The following PCDH15 variants were observed in gnomAD, a reference collection of about 807,000 sequenced individuals.
PCDH15 encodes protocadherin related 15.
Under a neutral mutation model 178.5 loss-of-function variants are expected in PCDH15, and 129 were observed. That is an observed-to-expected ratio of 0.72 (90% CI 0.63 to 0.84). The LOEUF (loss-of-function observed/expected upper bound fraction) is 0.84, where lower values mean the gene tolerates loss of function less well. Ranked by LOEUF, PCDH15 falls within the 40% of genes least tolerant of loss-of-function variation. PCDH15 has a pLI of 0.00. For synonymous variants in PCDH15, 800 were observed against 732.0 expected, an observed-to-expected ratio of 1.09 and a Z score of -1.50; for missense variants, 2,230 against 2,099.9, an observed-to-expected ratio of 1.06 and a Z score of -1.21.
intron 2 of PCDH15, among the ~76,000 whole-genome samples, chr10:54,573,821 A>C (rs917330345): frequency 3.3e-5 from 5 of 152,194 alleles, no homozygotes; most frequent in African/African-American, 1.2e-4. Flanking sequence ...TCAGGTGCTG[A>C]CAGCATCATC....
chr10:54,439,267 A>G (rs1565279309), intron 3 of PCDH15, among the ~76,000 whole-genome samples: 1 of 149,964 alleles, frequency 6.7e-6, no homozygotes, highest in South Asian at 2.1e-4. Context: ...GAAAGATAAG[A>G]AAAGAAACCA....
At chr10:54,344,378 G>A (rs1942843615) in intron 6 of PCDH15, among the ~76,000 whole-genome samples, 1 of 152,268 alleles carries the variant, frequency 6.6e-6, no homozygotes, top group East Asian at 1.9e-4. Context: ...GGAATGGGGA[G>A]GCATTGAGAC....
At chr10:54,992,767 A>G (rs1839535913) in intron 2 of PCDH15, among the ~76,000 whole-genome samples, 1 of 151,976 alleles carries the variant, frequency 6.6e-6, no homozygotes, top group African/African-American at 2.4e-5. Flanking sequence ...GAAAAAAAAA[A>G]AAAAAGTGAA....
At chr10:54,621,997 A>T (rs7073524) in intron 2 of PCDH15, among the ~76,000 whole-genome samples, 4,550 of 152,068 alleles carry the variant, frequency 0.03, 218 homozygotes, top group African/African-American at 0.099. Context: ...AGTTAGAGTT[A>T]TTACTGAGGA....
intron 18 of PCDH15, among the ~76,000 whole-genome samples, chr10:54,064,935 T>G (rs1009006047): frequency 1.3e-5 from 2 of 152,138 alleles, no homozygotes; most frequent in African/African-American, 4.8e-5. Flanking sequence ...GGAAGGGGGT[T>G]AGGTTCCTGC....
intron 17 of PCDH15, among the ~76,000 whole-genome samples, chr10:54,076,159 A>G (rs981866055): frequency 1.3e-5 from 2 of 152,086 alleles, no homozygotes; most frequent in Admixed American, 1.3e-4. Flanking sequence ...AGTTTTCATT[A>G]TACAAGTCTT....
At chr10:54,911,968 A>G (rs1409047525) in intron 2 of PCDH15, among the ~76,000 whole-genome samples, 1 of 152,176 alleles carries the variant, frequency 6.6e-6, no homozygotes, top group South Asian at 2.1e-4. Context: ...ACAAACATCC[A>G]TTGGTCTTTA....
chr10:55,253,602 A>T (rs950367008), intron 1 of PCDH15, among the ~76,000 whole-genome samples: 2 of 135,898 alleles, frequency 1.5e-5, no homozygotes, highest in Admixed American at 7.3e-5. Context: ...GTGAACCATA[A>T]TAAGTTTTTT....
chr10:54,566,167 G>A (rs1433505537), intron 2 of PCDH15, among the ~76,000 whole-genome samples: 1 of 152,040 alleles, frequency 6.6e-6, no homozygotes, highest in East Asian at 1.9e-4. Flanking sequence ...ATAATTTTTT[G>A]TCATATTTGA....
At chr10:55,428,200 A>G (rs1838802239) in intron 2 of PCDH15, among the ~76,000 whole-genome samples, 1 of 151,986 alleles carries the variant, frequency 6.6e-6, no homozygotes, top group East Asian at 1.9e-4. Flanking sequence ...ATGTGTTGTT[A>G]AAGCATTCTT....
chr10:55,366,103 A>G (rs949153405), intron 2 of PCDH15: 2 of 152,152 alleles, frequency 1.3e-5, no homozygotes, highest in Admixed American at 6.6e-5. Context: ...CAACATGCCT[A>G]CTGTCTCTTA....
At chr10:53,887,927 AAACT>A (rs941584060) in intron 26 of PCDH15, among the ~76,000 whole-genome samples, 1 of 151,932 alleles carries the variant, frequency 6.6e-6, no homozygotes, top group African/African-American at 2.4e-5. Flanking sequence ...AAAAAAACAA[AAACT>A]AACTCCTAAA....
At chr10:55,234,674 C>A (rs992881495) in intron 1 of PCDH15, among the ~76,000 whole-genome samples, 1 of 152,028 alleles carries the variant, frequency 6.6e-6, no homozygotes, top group Non-Finnish European at 1.5e-5. Flanking sequence ...AGCCACCATG[C>A]CTAGCCAAGA....
At position 54,527,835 on chromosome 10, in the gene PCDH15, G is replaced by A; in HGVS notation, c.134C>T (p.Ala45Val). ...ARGGPPATIV[A>V]IDEESRNGTI... ...ACCATTCCGACTTTCTTCATCAATA[G>A]CAACTATGGTAGCTGGTGGTCCTCC... Residue 45 changes from alanine (A) to valine (V), a missense_variant, in exon 3 of 38, where the codon GCT (alanine) becomes GTT (valine). Transcript: ENST00000644397. 1.2e-6 allele frequency: 2 copies of A among 1,611,132 alleles called. No individual in the cohort carries two copies. The highest frequency in any genetic ancestry group is 1.7e-6 in the Non-Finnish European group (2 of 1,178,090).
chr10:55,301,707 T>A (rs1437095871), intron 1 of PCDH15, among the ~76,000 whole-genome samples: 2 of 152,156 alleles, frequency 1.3e-5, no homozygotes, highest in African/African-American at 4.8e-5. Flanking sequence ...AAGTTTTTAT[T>A]CTAAAAGTTT....
At chr10:55,529,013 C>A (rs1178661299) in intron 2 of PCDH15, among the ~76,000 whole-genome samples, 4 of 152,086 alleles carry the variant, frequency 2.6e-5, no homozygotes, top group Admixed American at 1.3e-4. Context: ...TTTTTGGCTG[C>A]ATAAATGTCT....
chr10:55,147,253 G>T (rs1448837784), intron 2 of PCDH15, among the ~76,000 whole-genome samples: 1 of 151,112 alleles, frequency 6.6e-6, no homozygotes, highest in African/African-American at 2.4e-5. Context: ...TAATCCCATG[G>T]CTTATAAAAT....
At chr10:54,928,716 C>T (rs2131850737) in intron 2 of PCDH15, among the ~76,000 whole-genome samples, 1 of 152,222 alleles carries the variant, frequency 6.6e-6, no homozygotes, top group African/African-American at 2.4e-5. Flanking sequence ...TTGGTCTATT[C>T]TGCTACTAAT....
At chr10:54,988,402 G>C (rs1839422212) in intron 2 of PCDH15, among the ~76,000 whole-genome samples, 1 of 152,154 alleles carries the variant, frequency 6.6e-6, no homozygotes, top group African/African-American at 2.4e-5. Context: ...ACAGTTCGGA[G>C]GGCTCAGAAG....
Sources: allele counts gnomAD v4.1 joint callset (sites outside exome capture counted in the v4.1 genomes callset), GRCh38; gene constraint gnomAD v4.1.1; transcripts MANE v1.5; gene names NCBI Gene and HGNC (gene_info 2026-07-23, HGNC 2026-07-21).